The following RBMS3 variants were observed in gnomAD, a reference collection of about 807,000 sequenced individuals.
The protein encoded by RBMS3 is RNA binding motif single stranded interacting protein 3.
A neutral mutation model predicts 66.8 loss-of-function variants in RBMS3; 27 were observed. The observed-to-expected ratio is 0.40, with a 90% CI of 0.30 to 0.56. The LOEUF (loss-of-function observed/expected upper bound fraction) is 0.56, where lower values mean the gene tolerates loss of function less well. Among genes scored for constraint, RBMS3 ranks in the 20% least tolerant of loss-of-function variants. RBMS3 has a pLI of 0.40. For synonymous variants in RBMS3, 188 were observed against 183.0 expected (o/e 1.03, Z -0.22); for missense variants, 513 against 549.5 (o/e 0.93, Z 0.66).
intron 10 of RBMS3, among the ~76,000 whole-genome samples, chr3:29,921,172 C>G (rs985279359): frequency 6.6e-6 from 1 of 152,056 alleles, no homozygotes; most frequent in African/African-American, 2.4e-5. Flanking sequence ...AAGTGATTCT[C>G]CTGCCTCAGC....
intron 6 of RBMS3, among the ~76,000 whole-genome samples, chr3:29,763,569 C>A (rs952272510): frequency 1.3e-5 from 2 of 152,004 alleles, no homozygotes; most frequent in African/African-American, 2.4e-5. Flanking sequence ...CCAATCTGGA[C>A]TATCCCAGGG....
chr3:29,777,410 A>G (rs2056464640), intron 6 of RBMS3, among the ~76,000 whole-genome samples: 1 of 151,956 alleles, frequency 6.6e-6, no homozygotes, highest in South Asian at 2.1e-4. Flanking sequence ...CGAGCATATT[A>G]TTCTAGTGTG....
chr3:29,306,623 A>G (rs1272798474), intron 1 of RBMS3, among the ~76,000 whole-genome samples: 2 of 151,950 alleles, frequency 1.3e-5, no homozygotes, highest in Middle Eastern at 3.2e-3. Context: ...CCTTCCTTCT[A>G]CATTTCTGCC....
At chr3:29,371,107 A>G (rs185572781) in intron 1 of RBMS3, among the ~76,000 whole-genome samples, 133 of 152,350 alleles carry the variant, frequency 8.7e-4, no homozygotes, top group Non-Finnish European at 1.6e-3. Flanking sequence ...TGTGTTAAAA[A>G]TTCCTTGTGA....
chr3:29,904,898 T>A (rs1470473323), intron 10 of RBMS3, among the ~76,000 whole-genome samples: 2 of 152,046 alleles, frequency 1.3e-5, no homozygotes, highest in East Asian at 1.9e-4. Flanking sequence ...TACTGATCTT[T>A]TCTTATTTAT....
At chr3:29,788,489 T>G (rs2149422609) in intron 6 of RBMS3, among the ~76,000 whole-genome samples, 1 of 152,262 alleles carries the variant, frequency 6.6e-6, no homozygotes, top group Non-Finnish European at 1.5e-5. Context: ...CCTCCCAAAG[T>G]GCAGGGATTA....
At position 30,009,041 on chromosome 3, in the gene RBMS3, A is replaced by AAAAT. The variant is rs1699884116; in HGVS notation, c.*5182_*5185dup. 1 of 152,006 alleles carries AAAAT rather than the reference A, an allele frequency of 6.6e-6. No individual in the cohort carries two copies. Among genetic ancestry groups the AAAAT allele is most frequent in the South Asian group, 2.1e-4 (1 of 4,830 alleles). 9.4% of individuals were successfully genotyped at this position (152,006 alleles called of 1,614,324 possible). A position where few individuals can be genotyped will look rare whatever the true frequency, so the allele number is the denominator to read the frequency against. On this transcript the variant is annotated 3_prime_UTR_variant, in exon 15 of 15. Transcript: ENST00000383767. Reference sequence around the variant, plus strand: ...TCATTTCTGTTTATTTTTGTGAGGGAAAATAATATATCAAGAAAATTTTCT... The same window carrying AAAAT: ...TCATTTCTGTTTATTTTTGTGAGGGAAAATAAATAATATATCAAGAAAATTTTCT...
chr3:29,968,394 AG>A (rs553385281), intron 12 of RBMS3, among the ~76,000 whole-genome samples: 19 of 152,268 alleles, frequency 1.2e-4, no homozygotes, highest in Non-Finnish European at 2.2e-4. Flanking sequence ...TACAAATTTC[AG>A]ATAGAGAATT....
At chr3:29,464,272 G>A (rs1296414818) in intron 2 of RBMS3, among the ~76,000 whole-genome samples, 1 of 152,164 alleles carries the variant, frequency 6.6e-6, no homozygotes, top group African/African-American at 2.4e-5. Context: ...TCATGGTCTT[G>A]AGAAATGATA....
chr3:29,763,094 G>C (rs1460085212), intron 6 of RBMS3, 105 bp downstream of exon 6: 2 of 717,156 alleles, frequency 2.8e-6, no homozygotes, highest in East Asian at 3.0e-5. Flanking sequence ...GAGTTGGGGG[G>C]TTTGCTTTTC....
At chr3:29,698,108 C>A (rs868736305) in intron 4 of RBMS3, 28 of 699,938 alleles carry the variant, frequency 4.0e-5, no homozygotes, top group Middle Eastern at 1.4e-3. Context: ...TATGTGAGCT[C>A]CCTGAAGGGA....
At chr3:29,975,279 A>C (rs1339287315) in intron 12 of RBMS3, among the ~76,000 whole-genome samples, 8 of 151,234 alleles carry the variant, frequency 5.3e-5, no homozygotes, top group Non-Finnish European at 1.2e-4. Flanking sequence ...ATTTCTGTTG[A>C]TACATACATA....
intron 10 of RBMS3, among the ~76,000 whole-genome samples, chr3:29,920,090 G>A (rs1472145758): frequency 1.3e-5 from 2 of 152,040 alleles, no homozygotes; most frequent in Non-Finnish European, 2.9e-5. Flanking sequence ...CAAGGGAAAG[G>A]TCATGCATGG....
chr3:29,837,971 T>G (rs2058567747), intron 6 of RBMS3, among the ~76,000 whole-genome samples: 1 of 151,430 alleles, frequency 6.6e-6, no homozygotes, highest in Non-Finnish European at 1.5e-5. Flanking sequence ...GAGTAGGTTT[T>G]TGGTAGCTGT....
At chr3:29,935,397 T>C (rs1460355490) in intron 10 of RBMS3, among the ~76,000 whole-genome samples, 1 of 152,122 alleles carries the variant, frequency 6.6e-6, no homozygotes. Context: ...GTTGACACTT[T>C]TATTTTTAAA....
chr3:29,592,718 T>C (rs1374614342), intron 4 of RBMS3, among the ~76,000 whole-genome samples: 6 of 152,076 alleles, frequency 3.9e-5, no homozygotes, highest in Non-Finnish European at 7.4e-5. Flanking sequence ...CATATCTTTA[T>C]TGCGGCACTA....
intron 6 of RBMS3, among the ~76,000 whole-genome samples, chr3:29,835,210 C>T (rs554971920): frequency 5.3e-5 from 8 of 152,068 alleles, no homozygotes; most frequent in Non-Finnish European, 8.8e-5. Flanking sequence ...ATACCCAACT[C>T]TCAATAACGA....
intron 1 of RBMS3, among the ~76,000 whole-genome samples, chr3:29,305,016 C>T (rs936056176): frequency 1.3e-4 from 20 of 151,840 alleles, no homozygotes; most frequent in African/African-American, 4.4e-4. Context: ...ATGACCTCTC[C>T]TCCTCCTCAC....
chr3:29,609,018 A>C (rs979776220), intron 4 of RBMS3, among the ~76,000 whole-genome samples: 1 of 152,020 alleles, frequency 6.6e-6, no homozygotes, highest in Non-Finnish European at 1.5e-5. Flanking sequence ...ACTTCTCACT[A>C]TCTGAATGTT....
Sources: gnomAD v4.1 joint callset for allele counts (sites outside exome capture counted in the v4.1 genomes callset) on GRCh38, gnomAD v4.1.1 for gene constraint, MANE v1.5 for transcripts, NCBI Gene and HGNC (gene_info 2026-07-23, HGNC 2026-07-21) for gene names.